Variants in PRKAG2 observed in about 807,000 individuals in gnomAD.
PRKAG2 encodes the protein protein kinase AMP-activated non-catalytic subunit gamma 2, also known as 5'-AMP-activated protein kinase subunit gamma-2.
Under a neutral mutation model 69.6 loss-of-function variants are expected in PRKAG2, and 26 were observed. That is an observed-to-expected ratio of 0.37 (90% CI 0.27 to 0.52). PRKAG2 has a LOEUF of 0.52. Among genes scored for constraint, PRKAG2 ranks in the 20% least tolerant of loss-of-function variants. The pLI is 0.90. For synonymous variants in PRKAG2, 293 were observed against 285.0 expected (o/e 1.03, Z -0.28); for missense variants, 557 against 740.0 (o/e 0.75, Z 2.87).
rs1819580924 is a variant in PRKAG2 at position 151,614,350 on chromosome 7, T to C, written c.754+17719A>G. Among the ~76,000 whole-genome samples, 1 of 151,644 alleles carries C rather than the reference T, an allele frequency of 6.6e-6. No homozygotes were observed. The highest frequency in any genetic ancestry group is 1.5e-5 in the Non-Finnish European group (1 of 67,882). ...GCAGGGTGGCAGGGAGGCCATGGGGTCGGTTACGTTGGGCGCTTGGCATGT... is the reference window on the plus strand; with the variant it reads ...GCAGGGTGGCAGGGAGGCCATGGGGCCGGTTACGTTGGGCGCTTGGCATGT... On this transcript the variant is annotated intron_variant, in intron 5 of 15. Transcript: ENST00000287878. This position sits in a 1 kb window ranked among gnomAD's most constrained non-coding sequence, Gnocchi z 4.4.
At chr7:151,870,144 GATA>G in intron 1 of PRKAG2, among the ~76,000 whole-genome samples, 1 of 132,394 alleles carries the variant, frequency 7.6e-6, no homozygotes, top group African/African-American at 2.7e-5. Flanking sequence ...TAGATAGATA[GATA>G]GATAGATAGG....
chr7:151,869,880 C>T (rs2080172300), intron 1 of PRKAG2, among the ~76,000 whole-genome samples: 1 of 152,220 alleles, frequency 6.6e-6, no homozygotes, highest in African/African-American at 2.4e-5. Context: ...CCATAGCATA[C>T]TCTGGGCCCT....
chr7:151,597,800 G>A (rs1563218973), intron 5 of PRKAG2, among the ~76,000 whole-genome samples: 1 of 147,096 alleles, frequency 6.8e-6, no homozygotes, highest in Non-Finnish European at 1.5e-5. Context: ...GAGTGTTGCT[G>A]AGGATGTGGA....
chr7:151,834,286 T>C (rs974187725), intron 1 of PRKAG2, among the ~76,000 whole-genome samples: 1 of 152,226 alleles, frequency 6.6e-6, no homozygotes, highest in African/African-American at 2.4e-5. Context: ...ACACCCAAGA[T>C]GACCTGAGCC....
At chr7:151,848,449 A>G (rs571995371) in intron 1 of PRKAG2, among the ~76,000 whole-genome samples, 1 of 151,310 alleles carries the variant, frequency 6.6e-6, no homozygotes, top group African/African-American at 2.4e-5. Flanking sequence ...TATTCTTCAG[A>G]AATCACCCAG....
intron 3 of PRKAG2, among the ~76,000 whole-genome samples, chr7:151,684,114 A>G (rs2536090): frequency 0.43 from 65,383 of 152,040 alleles, 14,653 homozygotes; most frequent in Admixed American, 0.5. Context: ...CAGTGCAGGC[A>G]ACTGCAGGAG....
intron 1 of PRKAG2, among the ~76,000 whole-genome samples, chr7:151,853,213 C>T (rs1294219913): frequency 1.3e-5 from 2 of 152,068 alleles, no homozygotes; most frequent in Admixed American, 1.3e-4. Flanking sequence ...GTCCCATAGG[C>T]GCAGCACCCT....
intron 11 of PRKAG2, among the ~76,000 whole-genome samples, chr7:151,566,153 C>T (rs1806211031): frequency 6.6e-6 from 1 of 152,200 alleles, no homozygotes; most frequent in South Asian, 2.1e-4. Context: ...TCTTCACTCA[C>T]TAAGAACGCG....
chr7:151,630,222 C>T (rs1440293774), intron 5 of PRKAG2, among the ~76,000 whole-genome samples: 3 of 149,790 alleles, frequency 2.0e-5, no homozygotes, highest in African/African-American at 7.4e-5. Context: ...TTGGCAGACA[C>T]AATGAAAAGA....
chr7:151,690,141 A>G (rs1835437650), intron 3 of PRKAG2, among the ~76,000 whole-genome samples: 1 of 152,200 alleles, frequency 6.6e-6, no homozygotes, highest in Non-Finnish European at 1.5e-5. Context: ...GTTCAGGGCC[A>G]TGATAAAAAA....
At chr7:151,662,861 A>G (rs192413691) in intron 4 of PRKAG2, among the ~76,000 whole-genome samples, 60 of 152,308 alleles carry the variant, frequency 3.9e-4, no homozygotes, top group African/African-American at 1.2e-3. Context: ...ATCACACTCC[A>G]GCATGAGTGA....
rs556016137 is a variant in PRKAG2, at chr7:151,769,854, G to T, written c.466+11298C>A. ...ACCCCATAGAGTGGGCACCTAACCTGCTGGCCCCAGAGTGCGTGTGTCCAC... is the reference window on the plus strand; with the variant it reads ...ACCCCATAGAGTGGGCACCTAACCTTCTGGCCCCAGAGTGCGTGTGTCCAC... On this transcript the variant is annotated intron_variant, in intron 3 of 15. Transcript: ENST00000287878. Among the ~76,000 whole-genome samples, 5 of 152,318 alleles carry T rather than the reference G, an allele frequency of 3.3e-5. No homozygotes were observed. The South Asian group carries it at 1.0e-3, about 32-fold the overall frequency.
intron 4 of PRKAG2, among the ~76,000 whole-genome samples, chr7:151,645,009 T>G (rs1307980774): frequency 1.3e-5 from 2 of 151,840 alleles, no homozygotes; most frequent in African/African-American, 4.8e-5. Context: ...GTCTATTTAT[T>G]TATTAGAGTT....
intron 1 of PRKAG2, among the ~76,000 whole-genome samples, chr7:151,876,090 C>A (rs1048249368): frequency 6.7e-6 from 1 of 149,390 alleles, no homozygotes; most frequent in Non-Finnish European, 1.5e-5. Context: ...TCCCTCCCCT[C>A]CCCTCTCTCC....
At chr7:151,668,695 A>G (rs999239236) in intron 4 of PRKAG2, among the ~76,000 whole-genome samples, 2 of 152,196 alleles carry the variant, frequency 1.3e-5, no homozygotes, top group Non-Finnish European at 2.9e-5. Context: ...TTCTGGGGCA[A>G]TTTACAGCAC....
At chr7:151,866,658 T>C (rs1196842941) in intron 1 of PRKAG2, among the ~76,000 whole-genome samples, 1 of 152,128 alleles carries the variant, frequency 6.6e-6, no homozygotes, top group Non-Finnish European at 1.5e-5. Flanking sequence ...ACATATGCTA[T>C]AGATGAGGAT....
intron 4 of PRKAG2, among the ~76,000 whole-genome samples, chr7:151,669,882 T>TGCACACACC (rs1831617399): frequency 8.6e-4 from 63 of 73,246 alleles, no homozygotes; most frequent in African/African-American, 2.3e-3. Flanking sequence ...GCACACACAG[T>TGCACACACC]TGCATGCACA....
At chr7:151,644,630 G>A (rs1362138631) in intron 4 of PRKAG2, among the ~76,000 whole-genome samples, 2 of 152,132 alleles carry the variant, frequency 1.3e-5, no homozygotes, top group Non-Finnish European at 2.9e-5. Context: ...TTGACCATTG[G>A]GAATAAAGCT....
At chr7:151,589,034 G>A (rs1030519216) in intron 6 of PRKAG2, among the ~76,000 whole-genome samples, 1 of 152,106 alleles carries the variant, frequency 6.6e-6, no homozygotes, top group South Asian at 2.1e-4. Flanking sequence ...CCCTGTTTCG[G>A]TGTTGCCAAC....
Sources: allele counts gnomAD v4.1 joint callset (sites outside exome capture counted in the v4.1 genomes callset), GRCh38; gene constraint gnomAD v4.1.1; non-coding constraint Gnocchi (gnomAD v3.1); transcripts MANE v1.5; gene names NCBI Gene and HGNC (gene_info 2026-07-23, HGNC 2026-07-21).